The following CENPN variants were observed in gnomAD, a reference collection of about 807,000 sequenced individuals.
The protein encoded by CENPN is centromere protein N, also known as interphase centromere complex protein 32.
In CENPN, 36 loss-of-function variants were observed where a neutral mutation model predicts 48.6. That is an observed-to-expected ratio of 0.74 (90% CI 0.57 to 0.98). The LOEUF (loss-of-function observed/expected upper bound fraction) is 0.98, where lower values mean the gene tolerates loss of function less well. CENPN is among the 50% of genes least tolerant of loss of function. The pLI is 0.00. For synonymous variants in CENPN, 166 were observed against 135.2 expected (o/e 1.23, Z -1.58); for missense variants, 439 against 399.2 (o/e 1.10, Z -0.85).
chr16:81,023,844 T>G (rs2549884), intron 7 of CENPN: 150,167 of 152,350 alleles, frequency 0.99, 74,043 homozygotes, highest in Middle Eastern at 1. Flanking sequence ...ACTTTGGGAG[T>G]CCGAGGCGGG....
chr16:81,025,094 G>C (rs1970404447), intron 8 of CENPN, among the ~76,000 whole-genome samples: 1 of 152,230 alleles, frequency 6.6e-6, no homozygotes, highest in Non-Finnish European at 1.5e-5. Flanking sequence ...CTTCACAGTA[G>C]TCCTGTGAAT....
chr16:81,022,702 A>G lies in CENPN; in HGVS notation c.633+4A>G. The stretch of plus-strand genomic sequence containing the variant: ...TGTTTTTAAACAGTATAATCAGGTG[A>G]GCCAATCAGTGACTCTCTTTAAAGG... On this transcript the variant is annotated splice_donor_region_variant and intron_variant, in intron 7 of 10. Coordinates refer to ENST00000305850, the MANE Select transcript of CENPN (RefSeq NM_001100624.3). 6.2e-7 allele frequency: 1 copy of G among 1,614,106 alleles called. No individual in the cohort carries two copies. The highest frequency in any genetic ancestry group is 8.5e-7 in the Non-Finnish European group (1 of 1,179,970).
intron 5 of CENPN, among the ~76,000 whole-genome samples, chr16:81,018,201 G>C (rs11150335): frequency 1.3e-5 from 2 of 151,318 alleles, no homozygotes; most frequent in African/African-American, 4.9e-5. Context: ...CCTTGAGACA[G>C]AGTCTTACTC....
intron 6 of CENPN, 162 bp from the exon 7 acceptor site, chr16:81,022,435 T>G: frequency 1.6e-6 from 1 of 615,154 alleles, no homozygotes; most frequent in Non-Finnish European, 2.9e-6. Flanking sequence ...AACCACTTTG[T>G]TTTTGAAGCT....
At position 81,031,478 on chromosome 16, in the gene CENPN, C is replaced by G. The variant is rs935778830; in HGVS notation, c.*2827C>G. 6.6e-6 allele frequency: 1 copy of G among 152,212 alleles called. No individual in the cohort carries two copies. The highest frequency in any genetic ancestry group is 2.4e-5 in the African/African-American group (1 of 41,454). The allele number at this position is 152,212 out of a possible 1,614,324, so 9.4% of individuals were successfully genotyped here. ...TAAGACCTCAATAAAAACACCTTGT[C>G]TTGCTGCTTTGCAGTGTGGTCTTTT... On this transcript the variant is annotated 3_prime_UTR_variant, in exon 11 of 11. Transcript: ENST00000305850.
chr16:81,017,778 G>A lies in CENPN; in HGVS notation c.298G>A (p.Asp100Asn). The A allele has an allele frequency of 6.3e-7, 1 of 1,581,640 alleles. No individual in the cohort carries two copies. The highest frequency in any genetic ancestry group is 1.9e-5 in the Admixed American group (1 of 52,416). ...KGPGEDVDLF[D>N]MKQFKNSFKK... ...GGCAGGTGAAGATGTTGACCTTTTTGATATGAAACAATTTAAAAATTCGTT... is the reference window on the plus strand; with the variant it reads ...GGCAGGTGAAGATGTTGACCTTTTTAATATGAAACAATTTAAAAATTCGTT... The change falls in exon 5 of 11, where the codon GAT becomes AAT. Residue 100 changes from aspartate (D) to asparagine (N), a missense_variant. Asp to Asn is a conservative substitution (Grantham distance 23). Coordinates refer to ENST00000305850, the MANE Select transcript of CENPN (RefSeq NM_001100624.3).
chr16:81,022,475 A>G lies in CENPN; in HGVS notation c.532-122A>G, dbSNP rs761077845. ...AACAGGCTATCAGATGTTTTTCTAGACTTCTTTTTACACTTACGGGGAAAC... is the reference window on the plus strand; with the variant it reads ...AACAGGCTATCAGATGTTTTTCTAGGCTTCTTTTTACACTTACGGGGAAAC... On this transcript the variant is annotated intron_variant, in intron 6 of 10. Coordinates refer to ENST00000305850, the MANE Select transcript of CENPN (RefSeq NM_001100624.3). 328 of 799,028 alleles carry G rather than the reference A, an allele frequency of 4.1e-4. 1 individual carries two copies. Among genetic ancestry groups the G allele is most frequent in the Non-Finnish European group, 6.1e-4 (305 of 500,922 alleles). 49.5% of individuals were successfully genotyped at this position (799,028 alleles called of 1,614,324 possible). A position where few individuals can be genotyped will look rare whatever the true frequency, so the allele number is the denominator to read the frequency against.
intron 6 of CENPN, among the ~76,000 whole-genome samples, chr16:81,020,949 A>G (rs964235265): frequency 2.0e-5 from 3 of 151,986 alleles, no homozygotes; most frequent in Non-Finnish European, 2.9e-5. Context: ...AAAATTAGCC[A>G]GGCGTGGTGG....
intron 3 of CENPN, 89 bp downstream of exon 3, chr16:81,014,270 T>G: frequency 9.0e-7 from 1 of 1,116,468 alleles, no homozygotes; most frequent in South Asian, 1.2e-5. Flanking sequence ...GGTCTCCCTC[T>G]GTCGCCCAGG....
intron 4 of CENPN, 44 bp downstream of exon 4, chr16:81,017,429 G>C: frequency 7.3e-7 from 1 of 1,367,370 alleles, no homozygotes; most frequent in South Asian, 1.2e-5. Context: ...AGTTTGGCTT[G>C]GACTCAGGAA....
At chr16:81,007,696 G>T (rs901652588) in intron 1 of CENPN, among the ~76,000 whole-genome samples, 1 of 152,238 alleles carries the variant, frequency 6.6e-6, no homozygotes, top group Non-Finnish European at 1.5e-5. Flanking sequence ...TTGGAGCGCA[G>T]CAGAGGTGTG....
chr16:81,008,107 C>A (rs1255260478), intron 1 of CENPN, among the ~76,000 whole-genome samples: 3 of 151,636 alleles, frequency 2.0e-5, no homozygotes, highest in Non-Finnish European at 2.9e-5. Flanking sequence ...ACTGTGTCTC[C>A]GAAACAACAA....
At position 81,026,644 on chromosome 16, in the gene CENPN, A is replaced by G; in HGVS notation, c.810+6A>G. ...TAGAATTTGCACAATATAAGGTAAG[A>G]TGTCGTAATAAATATTAAGTACAAG... On this transcript the variant is annotated splice_donor_region_variant and intron_variant, in intron 9 of 10. Transcript: ENST00000305850. 3 of 1,394,316 alleles carry G rather than the reference A, an allele frequency of 2.2e-6. No individual in the cohort carries two copies. The highest frequency in any genetic ancestry group is 3.0e-6 in the Non-Finnish European group (3 of 991,744). 86.4% of individuals were successfully genotyped at this position (1,394,316 alleles called of 1,614,324 possible).
At chr16:81,008,426 C>A (rs1969575880) in intron 1 of CENPN, among the ~76,000 whole-genome samples, 2 of 151,926 alleles carry the variant, frequency 1.3e-5, no homozygotes, top group Non-Finnish European at 2.9e-5. Flanking sequence ...TGTTGGAGGG[C>A]AGTGGCACGT....
intron 8 of CENPN, among the ~76,000 whole-genome samples, chr16:81,026,065 A>ATGTGTGTGTGTGTGTGTGTG (rs1205146918): frequency 1.9e-5 from 1 of 51,422 alleles, no homozygotes; most frequent in African/African-American, 4.2e-5. Flanking sequence ...ATATATATAT[A>ATGTGTGTGTGTGTGTGTGTG]TATATGTGTG....
At chr16:81,032,554 G>GC, downstream of CENPN, 1 of 1,286,848 alleles carries the variant, frequency 7.8e-7, no homozygotes. Context: ...GATTTTCAGT[G>GC]TTTTTTTTTT....
Position 81,022,694 on chromosome 16 carries a change from A to C in CENPN, c.629A>C (p.Asn210Thr). ...AAGGCTATTGTTTTTAAACAGTATA[A>C]TCAGGTGAGCCAATCAGTGACTCTC... ...SLKAIVFKQYNQTFETHNSTT... is the reference protein window; with the variant it reads ...SLKAIVFKQYTQTFETHNSTT... Residue 210 changes from asparagine (N) to threonine (T), a missense_variant, in exon 7 of 11, where the codon AAT becomes ACT. Transcript: ENST00000305850. 1 of 1,614,104 alleles carries C rather than the reference A, an allele frequency of 6.2e-7. No individual in the cohort carries two copies. The highest frequency in any genetic ancestry group is 8.5e-7 in the Non-Finnish European group (1 of 1,179,978).
intron 2 of CENPN, among the ~76,000 whole-genome samples, chr16:81,013,732 A>AG (rs1337562737): frequency 6.6e-6 from 1 of 152,010 alleles, no homozygotes; most frequent in Non-Finnish European, 1.5e-5. Context: ...AAAAAAAAAA[A>AG]GAGACACGAG....
rs542693603 is a variant in CENPN at position 81,029,235 on chromosome 16, C to T, written c.*584C>T. 3.3e-6 allele frequency: 3 copies of T among 917,592 alleles called. No individual in the cohort carries two copies. Among genetic ancestry groups the T allele is most frequent in the Admixed American group, 1.2e-4 (2 of 16,192 alleles). 56.8% of individuals were successfully genotyped at this position (917,592 alleles called of 1,614,324 possible). ...TTCTTATTGTAAATATGATACTTCTCATAATCTATTTTATCATGTGTATAA... is the reference window on the plus strand; with the variant it reads ...TTCTTATTGTAAATATGATACTTCTTATAATCTATTTTATCATGTGTATAA... On this transcript the variant is annotated 3_prime_UTR_variant, in exon 11 of 11. Coordinates refer to ENST00000305850, the MANE Select transcript of CENPN (RefSeq NM_001100624.3).
Sources: gnomAD v4.1 joint callset for allele counts (sites outside exome capture counted in the v4.1 genomes callset) on GRCh38, gnomAD v4.1.1 for gene constraint, MANE v1.5 for transcripts, NCBI Gene and HGNC (gene_info 2026-07-23, HGNC 2026-07-21) for gene names.